ATF6: variants seen among roughly 807,000 people sequenced by gnomAD.
ATF6 encodes the protein activating transcription factor 6.
ATF6 carries 53 observed loss-of-function variants against 83.6 expected under a neutral mutation model. The ratio of observed to expected loss-of-function variants is 0.63; its 90% CI spans 0.51 to 0.80. The LOEUF is 0.80. ATF6 is among the 30% of genes least tolerant of loss of function. The probability of loss-of-function intolerance (pLI) is 0.00; values close to 1 mark genes in which losing one functional copy is unlikely to be tolerated. For synonymous variants in ATF6, 288 were observed against 285.8 expected, an observed-to-expected ratio of 1.01 and a Z score of -0.08; for missense variants, 744 against 797.9, an observed-to-expected ratio of 0.93 and a Z score of 0.81.
At chr1:161,846,715 C>A in intron 10 of ATF6, 135 bp downstream of exon 10, 1 of 827,172 alleles carries the variant, frequency 1.2e-6, no homozygotes, top group Non-Finnish European at 1.7e-6. Flanking sequence ...TTACTGAAAC[C>A]ATTAATACAT....
chr1:161,901,494 C>CAA (rs771638813), intron 14 of ATF6, among the ~76,000 whole-genome samples: 1 of 109,300 alleles, frequency 9.1e-6, no homozygotes, highest in African/African-American at 3.4e-5. Flanking sequence ...TCTCCCAAAG[C>CAA]AAAAAAAAAA....
At chr1:161,891,256 A>T (rs1049623705) in intron 14 of ATF6, 1 of 152,560 alleles carries the variant, frequency 6.6e-6, no homozygotes, top group Non-Finnish European at 1.5e-5. Context: ...AGCAACCAGC[A>T]TCTGGTGGAG....
intron 15 of ATF6, among the ~76,000 whole-genome samples, chr1:161,914,839 C>A (rs1427605131): frequency 2.0e-5 from 3 of 152,132 alleles, no homozygotes; most frequent in Admixed American, 2.0e-4. Context: ...TTCTTAGGTC[C>A]CACTTTCTTG....
intron 14 of ATF6, among the ~76,000 whole-genome samples, chr1:161,870,127 G>T (rs895889068): frequency 6.6e-6 from 1 of 151,396 alleles, no homozygotes; most frequent in African/African-American, 2.4e-5. Context: ...CCAAAATCAA[G>T]ATATTTCATT....
At chr1:161,929,914 A>AGG (rs1688397294) in intron 15 of ATF6, among the ~76,000 whole-genome samples, 1 of 152,168 alleles carries the variant, frequency 6.6e-6, no homozygotes, top group East Asian at 1.9e-4. Context: ...CTCTCTGTAA[A>AGG]GGGTCAGTAT....
At chr1:161,817,586 G>A (rs1286135564) in intron 7 of ATF6, among the ~76,000 whole-genome samples, 1 of 152,036 alleles carries the variant, frequency 6.6e-6, no homozygotes, top group African/African-American at 2.4e-5. Flanking sequence ...TTATTCTTCA[G>A]GGAAATTTTT....
intron 15 of ATF6, among the ~76,000 whole-genome samples, chr1:161,940,420 T>C (rs1247051585): frequency 3.3e-5 from 5 of 152,154 alleles, no homozygotes; most frequent in Non-Finnish European, 7.3e-5. Context: ...TTTCCACTTA[T>C]ATTTTGTATT....
intron 1 of ATF6, among the ~76,000 whole-genome samples, chr1:161,774,267 C>T (rs1286375847): frequency 6.6e-6 from 1 of 152,106 alleles, no homozygotes; most frequent in Admixed American, 6.5e-5. Context: ...TATAGGCTCA[C>T]TTCAGCAGCT....
intron 14 of ATF6, among the ~76,000 whole-genome samples, chr1:161,884,491 A>G (rs1261034139): frequency 1.3e-5 from 2 of 152,136 alleles, no homozygotes; most frequent in African/African-American, 2.4e-5. Context: ...AAGTGTGACT[A>G]TCTGAATAAT....
At chr1:161,811,313 T>A (rs1326272622) in intron 7 of ATF6, among the ~76,000 whole-genome samples, 2 of 152,210 alleles carry the variant, frequency 1.3e-5, no homozygotes, top group African/African-American at 4.8e-5. Context: ...GCAGGAGAGA[T>A]CTTGTGGCTG....
At chr1:161,853,482 C>T (rs1686690550) in intron 12 of ATF6, among the ~76,000 whole-genome samples, 159 bp downstream of exon 12, 1 of 152,162 alleles carries the variant, frequency 6.6e-6, no homozygotes, top group Admixed American at 6.5e-5. Context: ...CCACTGAAGT[C>T]CTCCTCCCAG....
intron 14 of ATF6, among the ~76,000 whole-genome samples, chr1:161,882,700 T>C (rs1414172410): frequency 6.1e-5 from 9 of 146,586 alleles, no homozygotes; most frequent in Non-Finnish European, 8.9e-5. Context: ...TTAGTGGGGG[T>C]CGATACAGCT....
intron 15 of ATF6, among the ~76,000 whole-genome samples, chr1:161,920,848 T>A (rs1571238284): frequency 2.0e-5 from 3 of 152,200 alleles, no homozygotes; most frequent in East Asian, 3.9e-4. Flanking sequence ...AAAGCTCTGC[T>A]TATGTCTTAT....
At chr1:161,858,544 A>T (rs1289177063) in intron 12 of ATF6, among the ~76,000 whole-genome samples, 1 of 152,180 alleles carries the variant, frequency 6.6e-6, no homozygotes, top group Non-Finnish European at 1.5e-5. Context: ...GAAATTTTTT[A>T]TTGATAAAAG....
chr1:161,766,473 G>A (rs1473604550), intron 1 of ATF6, 31 bp downstream of exon 1: 54 of 1,604,088 alleles, frequency 3.4e-5, no homozygotes, highest in Non-Finnish European at 4.3e-5. Flanking sequence ...TACCAGGGTG[G>A]CTCGGGTTCG....
intron 13 of ATF6, among the ~76,000 whole-genome samples, chr1:161,862,654 T>C (rs1200089727): frequency 6.6e-6 from 1 of 152,112 alleles, no homozygotes; most frequent in Non-Finnish European, 1.5e-5. Context: ...TTATACTCTT[T>C]TTATTGAGGA....
chr1:161,851,966 G>T, intron 11 of ATF6, 131 bp downstream of exon 11: 1 of 657,456 alleles, frequency 1.5e-6, no homozygotes, highest in East Asian at 2.7e-5. Flanking sequence ...ATAACTGTAG[G>T]CATATTAGTT....
At chr1:161,947,810 CTTTTTTTTTTTTTTTTTT>C (rs10524670) in intron 15 of ATF6, among the ~76,000 whole-genome samples, 1 of 57,580 alleles carries the variant, frequency 1.7e-5, no homozygotes, top group East Asian at 6.9e-4. Context: ...TAAGCCACGC[CTTTTTTTTTTTTTTTTTT>C]TTTTTTTTTT....
intron 9 of ATF6, among the ~76,000 whole-genome samples, chr1:161,844,985 T>C (rs1686448017): frequency 6.6e-6 from 1 of 152,192 alleles, no homozygotes. Context: ...ATAGCCTCAG[T>C]TGTAGCAAAA....
Sources: gnomAD v4.1 joint callset for allele counts (sites outside exome capture counted in the v4.1 genomes callset) on GRCh38, gnomAD v4.1.1 for gene constraint, MANE v1.5 for transcripts, NCBI Gene and HGNC (gene_info 2026-07-23, HGNC 2026-07-21) for gene names.